Variants in PDE1C observed in about 807,000 individuals in gnomAD.
PDE1C encodes phosphodiesterase 1C, also known as dual specificity calcium/calmodulin-dependent 3',5'-cyclic nucleotide phosphodiesterase 1C.
Under a neutral mutation model 93.1 loss-of-function variants are expected in PDE1C, and 62 were observed. The observed-to-expected ratio is 0.67, with a 90% CI of 0.54 to 0.82. The LOEUF (loss-of-function observed/expected upper bound fraction) is 0.82, where lower values mean the gene tolerates loss of function less well. Among genes scored for constraint, PDE1C ranks in the 40% least tolerant of loss-of-function variants. PDE1C has a pLI of 0.00. For missense variants in PDE1C, 742 were observed against 884.6 expected (o/e 0.84, Z 2.04); for synonymous variants, 325 against 310.1 (o/e 1.05, Z -0.50).
intron 1 of PDE1C, among the ~76,000 whole-genome samples, chr7:32,391,597 A>T (rs1784752266): frequency 1.3e-5 from 2 of 152,312 alleles, no homozygotes; most frequent in South Asian, 4.1e-4. Flanking sequence ...GCTAGGGCAT[A>T]AAAAAATCAT....
chr7:32,002,178 T>G (rs1447750390), intron 2 of PDE1C, among the ~76,000 whole-genome samples: 1 of 152,132 alleles, frequency 6.6e-6, no homozygotes, highest in Non-Finnish European at 1.5e-5. Context: ...ACAACACTAT[T>G]TCATTGTACA....
At chr7:32,269,767 C>T (rs917722325) in intron 1 of PDE1C, among the ~76,000 whole-genome samples, 15 of 151,324 alleles carry the variant, frequency 9.9e-5, no homozygotes, top group Admixed American at 2.6e-4. Context: ...CATGAGCCAC[C>T]GTGCCCGGCC....
intron 2 of PDE1C, among the ~76,000 whole-genome samples, chr7:32,040,120 T>A (rs1791615529): frequency 6.6e-6 from 1 of 152,052 alleles, no homozygotes; most frequent in South Asian, 2.1e-4. Flanking sequence ...ACATAAGTCA[T>A]AAATTTACTA....
intron 1 of PDE1C, among the ~76,000 whole-genome samples, chr7:32,350,539 A>T (rs1783942560): frequency 6.8e-6 from 1 of 147,868 alleles, no homozygotes; most frequent in African/African-American, 2.6e-5. Flanking sequence ...TATGCATGGC[A>T]TTTGACTAAT....
At chr7:32,122,090 G>A (rs1799332214) in intron 3 of PDE1C, among the ~76,000 whole-genome samples, 1 of 152,100 alleles carries the variant, frequency 6.6e-6, no homozygotes, top group African/African-American at 2.4e-5. Flanking sequence ...TGACCAAACA[G>A]ACTTTAAACC....
intron 7 of PDE1C, among the ~76,000 whole-genome samples, chr7:31,858,155 G>A (rs543109399): frequency 5.3e-5 from 8 of 152,176 alleles, no homozygotes; most frequent in Middle Eastern, 3.4e-3. Flanking sequence ...AAACAGACAG[G>A]GAGAAATAAA....
chr7:32,084,709 C>T (rs201086285), intron 3 of PDE1C, among the ~76,000 whole-genome samples: 61,829 of 110,684 alleles, frequency 0.56, 19,085 homozygotes, highest in African/African-American at 0.68. Context: ...CACTCAAAAC[C>T]ACTCAACTAC....
chr7:32,241,836 G>A (rs1329073434), intron 1 of PDE1C, among the ~76,000 whole-genome samples: 1 of 152,098 alleles, frequency 6.6e-6, no homozygotes, highest in Non-Finnish European at 1.5e-5. Context: ...TCCACAGAGA[G>A]GAGATGGGTA....
upstream of PDE1C, among the ~76,000 whole-genome samples, chr7:32,076,255 A>G (rs968600715): frequency 1.3e-5 from 2 of 152,080 alleles, no homozygotes; most frequent in African/African-American, 4.8e-5. Flanking sequence ...GAGATGGTCT[A>G]TTTCTCTTTT....
chr7:32,372,547 T>A (rs1562695033), intron 1 of PDE1C, among the ~76,000 whole-genome samples: 1 of 152,082 alleles, frequency 6.6e-6, no homozygotes, highest in Non-Finnish European at 1.5e-5. Flanking sequence ...AAAATATAAG[T>A]AAATCTTTGT....
chr7:31,699,215 C>A, the PDE1C span, among the ~76,000 whole-genome samples: 1 of 152,156 alleles, frequency 6.6e-6, no homozygotes, highest in Admixed American at 6.5e-5. Context: ...TGGGCAGGAT[C>A]TGTTGGCCCT....
intron 15 of PDE1C, among the ~76,000 whole-genome samples, chr7:31,810,274 T>C (rs1396940668): frequency 6.6e-6 from 1 of 152,126 alleles, no homozygotes; most frequent in Non-Finnish European, 1.5e-5. Flanking sequence ...TTAGCCTGCA[T>C]AAAACCAAGA....
At chr7:31,971,105 G>T (rs113539639) in intron 2 of PDE1C, among the ~76,000 whole-genome samples, 11,581 of 152,228 alleles carry the variant, frequency 0.076, 599 homozygotes, top group Middle Eastern at 0.14. Context: ...TCGCGCTACT[G>T]CACTCCAGCC....
chr7:32,300,514 C>T (rs1001883829), upstream of PDE1C, among the ~76,000 whole-genome samples: 4 of 152,208 alleles, frequency 2.6e-5, no homozygotes, highest in African/African-American at 9.7e-5. Context: ...GCTCTGCTCA[C>T]AGATAGACCT....
intron 13 of PDE1C, among the ~76,000 whole-genome samples, chr7:31,824,193 C>T (rs191368580): frequency 1.3e-5 from 2 of 152,184 alleles, no homozygotes; most frequent in African/African-American, 4.8e-5. Flanking sequence ...TAGTAGTAGT[C>T]GTAATAGTAG....
intron 1 of PDE1C, among the ~76,000 whole-genome samples, chr7:32,305,148 A>G (rs532226384): frequency 1.3e-5 from 2 of 152,148 alleles, no homozygotes; most frequent in African/African-American, 4.8e-5. Context: ...TCACTCTTCC[A>G]TTCATAAGAC....
At chr7:32,168,701 C>A (rs1802457988) in intron 3 of PDE1C, among the ~76,000 whole-genome samples, 1 of 152,136 alleles carries the variant, frequency 6.6e-6, no homozygotes, top group Admixed American at 6.5e-5. Flanking sequence ...CATTTACCTG[C>A]AATTCTTGTC....
intron 1 of PDE1C, among the ~76,000 whole-genome samples, chr7:32,312,566 C>A (rs201038919): frequency 0.12 from 17,953 of 151,800 alleles, 1,134 homozygotes; most frequent in East Asian, 0.18. Flanking sequence ...AGATATAGAT[C>A]AATGGAACAG....
At chr7:31,814,307 T>C (rs1393516906) in intron 15 of PDE1C, among the ~76,000 whole-genome samples, 1 of 151,998 alleles carries the variant, frequency 6.6e-6, no homozygotes, top group African/African-American at 2.4e-5. Context: ...ATTAAATTCT[T>C]TATAACTTTT....
Sources: allele counts gnomAD v4.1 joint callset (sites outside exome capture counted in the v4.1 genomes callset), GRCh38; gene constraint gnomAD v4.1.1; transcripts MANE v1.5; gene names NCBI Gene and HGNC (gene_info 2026-07-23, HGNC 2026-07-21).